The following SH3TC2 variants were observed in gnomAD, a reference collection of about 807,000 sequenced individuals.
SH3TC2 encodes SH3 domain and tetratricopeptide repeat-containing protein 2.
A neutral mutation model predicts 124.5 loss-of-function variants in SH3TC2; 87 were observed. That is an observed-to-expected ratio of 0.70 (90% CI 0.59 to 0.84). SH3TC2 has a LOEUF of 0.84. SH3TC2 is among the 40% of genes least tolerant of loss of function. The pLI, the probability that SH3TC2 is intolerant of heterozygous loss-of-function variation, is 0.00. For missense variants in SH3TC2, 1,536 were observed against 1,566.4 expected (o/e 0.98, Z 0.33); for synonymous variants, 634 against 628.5 (o/e 1.01, Z -0.13).
chr5:149,060,436 G>A (rs1188342250), intron 1 of SH3TC2, among the ~76,000 whole-genome samples: 3 of 152,168 alleles, frequency 2.0e-5, no homozygotes, highest in Admixed American at 2.0e-4. Context: ...GATGCTGCAG[G>A]CAGAGTCCAC....
intron 12 of SH3TC2, among the ~76,000 whole-genome samples, chr5:149,018,629 G>C (rs529445821): frequency 1.3e-5 from 2 of 152,088 alleles, no homozygotes; most frequent in Non-Finnish European, 2.9e-5. Flanking sequence ...CTCCCACCAG[G>C]TCCCTCCCAC....
At chr5:149,024,734 G>C (rs1754035473) in intron 12 of SH3TC2, among the ~76,000 whole-genome samples, 1 of 152,096 alleles carries the variant, frequency 6.6e-6, no homozygotes, top group African/African-American at 2.4e-5. Context: ...AACTTCTTGG[G>C]CCATCTGTAG....
At chr5:149,055,954 AGAAT>A (rs2127404382) in intron 1 of SH3TC2, among the ~76,000 whole-genome samples, 1 of 152,278 alleles carries the variant, frequency 6.6e-6, no homozygotes, top group South Asian at 2.1e-4. Context: ...TACAACAATG[AGAAT>A]GAATGAATTG....
rs192809265 is a variant in SH3TC2, at chr5:148,989,025, A to G, written c.*15686T>C. On this transcript the variant is annotated 3_prime_UTR_variant, in exon 17 of 17. Transcript: ENST00000515425. ...AAATAAAAAAACAACCACCAACCAC[A>G]CACTCATATAACACACACAACACAC... Among the ~76,000 whole-genome samples, 39 of 152,294 alleles carry G rather than the reference A, an allele frequency of 2.6e-4. No individual in the cohort carries two copies. Among genetic ancestry groups the G allele is most frequent in the African/African-American group, 9.1e-4 (38 of 41,560 alleles).
Position 148,987,217 on chromosome 5 carries a change from C to T in SH3TC2, c.*17494G>A, listed in dbSNP as rs1753346721. The stretch of plus-strand genomic sequence containing the variant: ...CTCTGTGGGGAGAGGAGAAAAAGCA[C>T]ATTTTTGCCAATGGTCTTTGTTCTG... On this transcript the variant is annotated 3_prime_UTR_variant, in exon 17 of 17. Coordinates refer to ENST00000515425, the MANE Select transcript of SH3TC2 (RefSeq NM_024577.4). Among the ~76,000 whole-genome samples, 1 of 152,216 alleles carries T rather than the reference C, an allele frequency of 6.6e-6. No individual in the cohort carries two copies. The highest frequency in any genetic ancestry group is 1.5e-5 in the Non-Finnish European group (1 of 68,030).
chr5:149,028,125 C>A lies in SH3TC2; in HGVS notation c.1607G>T (p.Arg536Leu). 6.2e-7 allele frequency: 1 copy of A among 1,614,074 alleles called. No individual in the cohort carries two copies. Among genetic ancestry groups the A allele is most frequent in the African/African-American group, 1.3e-5 (1 of 75,062 alleles). Residue 536 changes from arginine (R) to leucine (L), a missense_variant, in exon 11 of 17, where the codon CGG becomes CTG. Physicochemically the swap from Arg to Leu is moderately radical, Grantham distance 102 (BLOSUM62 -2). Transcript: ENST00000515425. ...AHARLCFLLG[R>L]LSIRKVKLSQ... ...GAGTTTGACCTTCCTGATGCTCAGC[C>A]GGCCCAGGAGGAAGCAGAGACGGGC...
chr5:149,045,316 C>T (rs2127401654), intron 3 of SH3TC2: 2 of 152,380 alleles, frequency 1.3e-5, no homozygotes, highest in East Asian at 3.9e-4. Context: ...ACAAAGTTTA[C>T]ACCATTCTTA....
chr5:149,006,707 G>A (rs1753694441), intron 16 of SH3TC2, among the ~76,000 whole-genome samples, 174 bp downstream of exon 16: 1 of 152,112 alleles, frequency 6.6e-6, no homozygotes, highest in African/African-American at 2.4e-5. Flanking sequence ...AGGGTTAAGT[G>A]GAAAGAGCTT....
In SH3TC2 at chr5:149,008,924, C is replaced by T; in HGVS notation, c.3405G>A (p.Leu1135=). ...TCTCATAGCCTTCGAGGCTAATCTG[C>T]AGCTCTGTCAGCTTATTGAAAATCC... is the stretch of plus-strand genomic sequence containing the variant. ...ELRIFNKLTE[L]QISLEGYEKA... Residue 1135 remains leucine, a synonymous_variant, in exon 15 of 17, where the codon CTG becomes CTA. Coordinates refer to ENST00000515425, the MANE Select transcript of SH3TC2 (RefSeq NM_024577.4). 1.9e-6 allele frequency: 3 copies of T among 1,614,230 alleles called. No homozygotes were observed. Among genetic ancestry groups the T allele is most frequent in the Non-Finnish European group, 2.5e-6 (3 of 1,180,046 alleles).
chr5:149,013,352 TC>T (rs765285525), intron 12 of SH3TC2, among the ~76,000 whole-genome samples: 16 of 152,076 alleles, frequency 1.1e-4, no homozygotes, highest in Non-Finnish European at 1.9e-4. Flanking sequence ...GTGCCTTTGC[TC>T]CTCCTTTGCC....
At position 149,000,614 on chromosome 5, in the gene SH3TC2, G is replaced by T. The variant is rs1753581351; in HGVS notation, c.*4097C>A. 6.6e-6 allele frequency among the ~76,000 whole-genome samples: 1 copy of T among 152,102 alleles called. No individual in the cohort carries two copies. Among genetic ancestry groups the T allele is most frequent in the Admixed American group, 6.5e-5 (1 of 15,272 alleles). On this transcript the variant is annotated 3_prime_UTR_variant, in exon 17 of 17. Transcript: ENST00000515425. Reference sequence around the variant, plus strand: ...AGAAAATGTTTTGTAAAGGCTCTTTGGTGCATATCGTGATAAATGCATGCA... The same window carrying T: ...AGAAAATGTTTTGTAAAGGCTCTTTTGTGCATATCGTGATAAATGCATGCA...
chr5:149,028,776 G>T, intron 9 of SH3TC2, 58 bp from the exon 10 acceptor site: 1 of 1,571,932 alleles, frequency 6.4e-7, no homozygotes, highest in Non-Finnish European at 8.8e-7. Context: ...CCATGCCCAT[G>T]CCTCCAGGTG....
At chr5:149,058,126 C>T (rs1046717918) in intron 1 of SH3TC2, among the ~76,000 whole-genome samples, 2 of 152,090 alleles carry the variant, frequency 1.3e-5, no homozygotes, top group Non-Finnish European at 2.9e-5. Context: ...TTAGCAATAT[C>T]TGAAGAAAAA....
rs1361573964 is a variant in SH3TC2, at chr5:148,985,991, C to G, written c.*18720G>C. Among the ~76,000 whole-genome samples the G allele has an allele frequency of 6.6e-6, 1 of 152,180 alleles. No individual in the cohort carries two copies. Among genetic ancestry groups the G allele is most frequent in the Admixed American group, 6.5e-5 (1 of 15,268 alleles). On this transcript the variant is annotated 3_prime_UTR_variant, in exon 17 of 17. Coordinates refer to ENST00000515425, the MANE Select transcript of SH3TC2 (RefSeq NM_024577.4). ...TGACATGAGACTTACAGAGTATCAT[C>G]TCTAGGGTGATTTTTGAAAAACACA...
chr5:149,028,133 G>A lies in SH3TC2; in HGVS notation c.1599C>T (p.Leu533=), dbSNP rs1204336096. 6.2e-7 allele frequency: 1 copy of A among 1,614,128 alleles called. No homozygotes were observed. The highest frequency in any genetic ancestry group is 8.5e-7 in the Non-Finnish European group (1 of 1,180,026). The change falls in exon 11 of 17, where the codon CTC becomes CTT. Residue 533 remains leucine, a synonymous_variant. Transcript: ENST00000515425. ...MTWAHARLCF[L]LGRLSIRKVK... ...CCTTCCTGATGCTCAGCCGGCCCAG[G>A]AGGAAGCAGAGACGGGCATGGGCCC...
chr5:149,014,080 G>T (rs1753830027), intron 12 of SH3TC2, among the ~76,000 whole-genome samples: 3 of 152,124 alleles, frequency 2.0e-5, no homozygotes, highest in Admixed American at 1.3e-4. Context: ...GTACATTAGG[G>T]GGAGATCCAA....
rs572671355 is a variant in SH3TC2 at position 148,999,934 on chromosome 5, C to T, written c.*4777G>A. ...GTGACCTGTTCTCAGAAAACATCAC[C>T]CCCTGTCCACCCTCTGGACCTTTGC... On this transcript the variant is annotated 3_prime_UTR_variant, in exon 17 of 17. Transcript: ENST00000515425. 6.6e-5 allele frequency among the ~76,000 whole-genome samples: 10 copies of T among 152,268 alleles called. No individual in the cohort carries two copies. In the South Asian group the frequency reaches 1.9e-3, roughly 28 times the overall value.
At chr5:149,031,234 T>G (rs1013590869) in intron 9 of SH3TC2, among the ~76,000 whole-genome samples, 9 of 152,130 alleles carry the variant, frequency 5.9e-5, no homozygotes, top group African/African-American at 1.2e-4. Context: ...ACTTCAGTCC[T>G]AGAAGGTACC....
rs988158680 is a variant in SH3TC2, at chr5:148,996,673, T to C, written c.*8038A>G. Among the ~76,000 whole-genome samples, 2 of 152,148 alleles carry C rather than the reference T, an allele frequency of 1.3e-5. No homozygotes were observed. Among genetic ancestry groups the C allele is most frequent in the South Asian group, 4.1e-4 (2 of 4,830 alleles). On this transcript the variant is annotated 3_prime_UTR_variant, in exon 17 of 17. Transcript: ENST00000515425. ...AGGGGCATTCCTATGAATGTCTCTATGAAGTAGATGTCAGATATATCCCCA... is the reference window on the plus strand; with the variant it reads ...AGGGGCATTCCTATGAATGTCTCTACGAAGTAGATGTCAGATATATCCCCA...
Sources: gnomAD v4.1 joint callset for allele counts (sites outside exome capture counted in the v4.1 genomes callset) on GRCh38, gnomAD v4.1.1 for gene constraint, MANE v1.5 for transcripts, NCBI Gene and HGNC (gene_info 2026-07-23, HGNC 2026-07-21) for gene names.